ERI2: variants seen among roughly 807,000 people sequenced by gnomAD.
ERI2 encodes the protein ERI1 exoribonuclease 2.
In ERI2, 35 loss-of-function variants were observed where a neutral mutation model predicts 46.8. The ratio of observed to expected loss-of-function variants is 0.75; its 90% CI spans 0.57 to 0.99. The LOEUF (loss-of-function observed/expected upper bound fraction) is 0.99. ERI2 is among the 50% of genes least tolerant of loss of function. The pLI is 0.00. For synonymous variants in ERI2, 224 were observed against 271.0 expected (o/e 0.83, Z 1.70); for missense variants, 695 against 796.2 (o/e 0.87, Z 1.53).
chr16:20,796,642 G>C lies in ERI2; in HGVS notation c.*1082C>G, dbSNP rs1394122004. 6.7e-7 allele frequency: 1 copy of C among 1,489,378 alleles called. No individual in the cohort carries two copies. The highest frequency in any genetic ancestry group is 1.4e-5 in the African/African-American group (1 of 70,028). The allele number at this position is 1,489,378 out of a possible 1,614,324, so 92.3% of individuals were successfully genotyped here. On this transcript the variant is annotated 3_prime_UTR_variant, in exon 9 of 9. Coordinates refer to ENST00000357967, the MANE Select transcript of ERI2 (RefSeq NM_001142725.2). ...TATGGGTAAGAATCAGAATCTTTGA[G>C]ATTAAAATGAAACCCTGAACCTATT...
In ERI2 at chr16:20,796,755, T is replaced by C. The variant is rs1211228979; in HGVS notation, c.*969A>G. On this transcript the variant is annotated 3_prime_UTR_variant, in exon 9 of 9. Coordinates refer to ENST00000357967, the MANE Select transcript of ERI2 (RefSeq NM_001142725.2). ...ACAATACCCTTTTCCCTATTTTGGC[T>C]GTTACCCAAAACCCATTCCAAAGAC... The C allele has an allele frequency of 2.0e-6, 3 of 1,515,534 alleles. No homozygotes were observed. In the African/African-American group the frequency reaches 4.2e-5, roughly 21 times the overall value. 93.9% of individuals were successfully genotyped at this position (1,515,534 alleles called of 1,614,324 possible).
rs2080779450 is a variant in ERI2 at position 20,800,010 on chromosome 16, A to G, written c.590T>C (p.Leu197Pro). ...KLFYRRKPKG[L>P]SGALQEVGIE... ...TCCTACTTCCTGCAAGGCACCACTT[A>G]GTCCTTTTGGTTTTCTCCTATAGAA... Residue 197 changes from leucine to proline, a missense_variant, in exon 7 of 9, where the codon CTA becomes CCA. By Grantham distance (98) the Leu-to-Pro change is moderately conservative (BLOSUM62 -3). Coordinates refer to ENST00000357967, the MANE Select transcript of ERI2 (RefSeq NM_001142725.2). The G allele has an allele frequency of 6.2e-7, 1 of 1,604,196 alleles. No homozygotes were observed. Among genetic ancestry groups the G allele is most frequent in the African/African-American group, 1.3e-5 (1 of 74,678 alleles).
chr16:20,785,092 T>C (rs145743388), intron 10 of ERI2: 1 of 1,613,338 alleles, frequency 6.2e-7, no homozygotes, highest in Non-Finnish European at 8.5e-7. Context: ...ACGAAGGATA[T>C]GGACAGACTG....
downstream of ERI2, chr16:20,792,060 G>A: frequency 1.2e-6 from 2 of 1,614,130 alleles, no homozygotes; most frequent in Non-Finnish European, 1.7e-6. Context: ...ACTGGGGACA[G>A]AGGATATATG....
At chr16:20,781,354 A>T (rs1360908913) in intron 10 of ERI2, among the ~76,000 whole-genome samples, 1 of 152,218 alleles carries the variant, frequency 6.6e-6, no homozygotes, top group African/African-American at 2.4e-5. Context: ...ATATTTGGGG[A>T]GAAAAACCAA....
At chr16:20,799,841 G>GTTTT in intron 7 of ERI2, 116 bp downstream of exon 7, 5 of 529,768 alleles carry the variant, frequency 9.4e-6, no homozygotes, top group South Asian at 2.3e-5. Flanking sequence ...TAGATTAGGA[G>GTTTT]TTTTTTTTTT....
chr16:20,790,620 G>A lies in ERI2; in HGVS notation c.815+230C>T, dbSNP rs2080576298. ...TGTAAATGGCAATGTTCTACCTCCT[G>A]GACAAGAAGGAGATATTGGCATTCA... On this transcript the variant is annotated intron_variant, in intron 9 of 10. Coordinates refer to the ERI2 transcript ENST00000300005. This position sits in a 1 kb window ranked among gnomAD's most constrained non-coding sequence, Gnocchi z 4.0. 2 of 1,614,054 alleles carry A rather than the reference G, an allele frequency of 1.2e-6. No individual in the cohort carries two copies. The highest frequency in any genetic ancestry group is 1.7e-6 in the Non-Finnish European group (2 of 1,179,954).
At chr16:20,795,919 C>T (rs2152493043), downstream of ERI2, among the ~76,000 whole-genome samples, 1 of 152,314 alleles carries the variant, frequency 6.6e-6, no homozygotes, top group East Asian at 1.9e-4. Flanking sequence ...GATTTGTAAG[C>T]ATAAAGTAAT....
chr16:20,789,657 T>C, intron 9 of ERI2: 2 of 797,510 alleles, frequency 2.5e-6, no homozygotes, highest in South Asian at 1.5e-5. Context: ...TTGGCAAAAC[T>C]GTATATTATA....
At position 20,798,092 on chromosome 16, in the gene ERI2, AG is replaced by A. The variant is rs2080753944; in HGVS notation, c.1707del (p.Trp570GlyfsTer8). The A allele has an allele frequency of 6.4e-7, 1 of 1,551,500 alleles. No individual in the cohort carries two copies. The highest frequency in any genetic ancestry group is 8.7e-7 in the Non-Finnish European group (1 of 1,146,938). Reference sequence around the variant, plus strand: ...GTTAATATAGATGGGAGACGCCTCCAGGAAGAACTTCTTACTGGGGAGCAAT... The same window carrying A: ...GTTAATATAGATGGGAGACGCCTCCAGAAGAACTTCTTACTGGGGAGCAAT... ...SSDCSPVRSS[S>X]WRRLPSILTS... On this transcript the variant is annotated frameshift_variant, in exon 9 of 9. Transcript: ENST00000357967. LOFTEE classifies it high-confidence loss of function.
At chr16:20,783,804 C>T (rs1023489114) in intron 10 of ERI2, among the ~76,000 whole-genome samples, 2 of 106,760 alleles carry the variant, frequency 1.9e-5, no homozygotes, top group African/African-American at 3.3e-5. Flanking sequence ...TGTGTTCTCC[C>T]CGTCTCAATT....
At chr16:20,794,309 G>A (rs1268565896), downstream of ERI2, among the ~76,000 whole-genome samples, 4 of 152,146 alleles carry the variant, frequency 2.6e-5, no homozygotes, top group African/African-American at 9.7e-5. Flanking sequence ...AGATCACTAG[G>A]TTCTTAAATT....
chr16:20,793,549 C>A (rs1567365529), downstream of ERI2, among the ~76,000 whole-genome samples: 1 of 151,994 alleles, frequency 6.6e-6, no homozygotes. Flanking sequence ...GATCTCCCCC[C>A]AGGACTGATT....
chr16:20,804,379 A>G (rs1368882803), intron 1 of ERI2, among the ~76,000 whole-genome samples: 1 of 152,116 alleles, frequency 6.6e-6, no homozygotes, highest in African/African-American at 2.4e-5. Context: ...GAAACAAAAG[A>G]TAGGGCCAGG....
Position 20,798,576 on chromosome 16 carries a change from C to G in ERI2, c.1224G>C (p.Trp408Cys). 1 of 1,551,590 alleles carries G rather than the reference C, an allele frequency of 6.4e-7. No homozygotes were observed. The highest frequency in any genetic ancestry group is 8.7e-7 in the Non-Finnish European group (1 of 1,146,912). ...TLDCLPVLAD[W>C]EDVVLLPASQ... ...ATGCTGGCAGTAAAACCACATCCTC[C>G]CAATCAGCCAACACAGGTAAACAGT... is the stretch of plus-strand genomic sequence containing the variant. Residue 408 changes from tryptophan to cysteine, a missense_variant, in exon 9 of 9, where the codon TGG becomes TGC. Coordinates refer to ENST00000357967, the MANE Select transcript of ERI2 (RefSeq NM_001142725.2).
At chr16:20,803,394 A>G in intron 3 of ERI2, 39 bp downstream of exon 3, 1 of 1,596,434 alleles carries the variant, frequency 6.3e-7, no homozygotes, top group Non-Finnish European at 8.5e-7. Context: ...AAAGTGACTC[A>G]TCTAGTGCCA....
intron 10 of ERI2, among the ~76,000 whole-genome samples, chr16:20,786,741 A>C (rs1472322958): frequency 6.6e-6 from 1 of 152,194 alleles, no homozygotes; most frequent in Admixed American, 6.5e-5. Flanking sequence ...GAAGCATACT[A>C]ATATTAGAAC....
downstream of ERI2, among the ~76,000 whole-genome samples, chr16:20,795,053 G>A (rs1230584599): frequency 6.6e-6 from 1 of 152,184 alleles, no homozygotes; most frequent in Non-Finnish European, 1.5e-5. Flanking sequence ...ATGCAGCAGA[G>A]CTAGCATAAC....
intron 3 of ERI2, 69 bp from the exon 4 acceptor site, chr16:20,802,992 A>G: frequency 7.0e-7 from 1 of 1,421,888 alleles, no homozygotes; most frequent in South Asian, 1.5e-5. Flanking sequence ...ATCATCCTAA[A>G]TTAAACATGT....
Sources: gnomAD v4.1 joint callset for allele counts (sites outside exome capture counted in the v4.1 genomes callset) on GRCh38, gnomAD v4.1.1 for gene constraint, Gnocchi (gnomAD v3.1) non-coding constraint, MANE v1.5 for transcripts, NCBI Gene and HGNC (gene_info 2026-07-23, HGNC 2026-07-21) for gene names.